Variants in PPM1F observed in about 807,000 individuals in gnomAD.
The protein encoded by PPM1F is protein phosphatase 1F.
Under a neutral mutation model 35.5 loss-of-function variants are expected in PPM1F, and 17 were observed. That is an observed-to-expected ratio of 0.48 (90% CI 0.33 to 0.72). PPM1F has a LOEUF of 0.72. PPM1F is among the 30% of genes least tolerant of loss of function. The pLI is 0.02. For synonymous variants in PPM1F, 241 were observed against 255.5 expected, an observed-to-expected ratio of 0.94 and a Z score of 0.54; for missense variants, 521 against 613.0, an observed-to-expected ratio of 0.85 and a Z score of 1.59.
At chr22:21,932,649 AGAG>A (rs1279107411) in intron 5 of PPM1F, 3 of 152,246 alleles carry the variant, frequency 2.0e-5, no homozygotes, top group Non-Finnish European at 4.4e-5. Context: ...CTAAGTTCAC[AGAG>A]GAGGGGCCTG....
At chr22:21,934,474 T>C (rs964170791) in intron 3 of PPM1F, 4 of 486,442 alleles carry the variant, frequency 8.2e-6, no homozygotes, top group Non-Finnish European at 3.6e-6. Flanking sequence ...GAACCCACCC[T>C]GAAGAAATCA....
At chr22:21,952,683 A>T (rs1040698532) in intron 1 of PPM1F, 109 bp downstream of exon 1, 1 of 144,230 alleles carries the variant, frequency 6.9e-6, no homozygotes, top group Non-Finnish European at 1.5e-5. Flanking sequence ...CTCTGATTCC[A>T]CCCCTCCGGT....
At chr22:21,935,639 T>G (rs1601785187) in intron 3 of PPM1F, 1 of 151,400 alleles carries the variant, frequency 6.6e-6, no homozygotes, top group Non-Finnish European at 1.5e-5. Flanking sequence ...GAGGCTGAGG[T>G]GGGAGGACTG....
chr22:21,949,590 G>A (rs1236591358), intron 1 of PPM1F: 1 of 152,606 alleles, frequency 6.6e-6, no homozygotes, highest in African/African-American at 2.4e-5. Flanking sequence ...GGAGTAGGGA[G>A]AGCTGGGAGA....
chr22:21,931,241 G>A lies in PPM1F; in HGVS notation c.798C>T (p.Thr266=). 6.2e-7 allele frequency: 1 copy of A among 1,613,902 alleles called. No individual in the cohort carries two copies. The highest frequency in any genetic ancestry group is 8.5e-7 in the Non-Finnish European group (1 of 1,180,032). ...TGVCALIAGA[T]LHVAWLGDSQ... The stretch of plus-strand genomic sequence containing the variant: ...AATCCCCGAGCCAGGCGACGTGCAG[G>A]GTCGCTCCTGCAATGAGCGCACACA... The change falls in exon 6 of 8, where the codon ACC becomes ACT. Residue 266 remains threonine, a synonymous_variant. Coordinates refer to ENST00000263212, the MANE Select transcript of PPM1F (RefSeq NM_014634.4).
chr22:21,924,944 C>CTGGAG (rs1202673066), intron 7 of PPM1F: 4 of 152,462 alleles, frequency 2.6e-5, no homozygotes, highest in East Asian at 1.9e-4. Context: ...GTTATCCAGG[C>CTGGAG]TGGAGTGGAG....
At chr22:21,925,508 A>G in intron 7 of PPM1F, 61 bp downstream of exon 7, 1 of 1,481,428 alleles carries the variant, frequency 6.8e-7, no homozygotes, top group Middle Eastern at 1.7e-4. Context: ...CGCGGGCCAC[A>G]CTCGAGGCCT....
intron 6 of PPM1F, among the ~76,000 whole-genome samples, chr22:21,929,581 A>G (rs1236907007): frequency 2.0e-5 from 3 of 152,196 alleles, no homozygotes; most frequent in African/African-American, 7.2e-5. Context: ...AGCAGGTGGG[A>G]GTGGGCCCAG....
chr22:21,931,848 T>C (rs1173378938), intron 5 of PPM1F, among the ~76,000 whole-genome samples: 1 of 151,860 alleles, frequency 6.6e-6, no homozygotes, highest in Admixed American at 6.6e-5. Context: ...AATCTTGCTC[T>C]GTCACCCAGG....
At chr22:21,944,275 G>C (rs918669589) in intron 2 of PPM1F, 1 of 152,300 alleles carries the variant, frequency 6.6e-6, no homozygotes, top group Admixed American at 6.5e-5. Context: ...GCAGCTGTGG[G>C]GGATGCTGGG....
At chr22:21,933,910 C>T (rs1346389179) in intron 4 of PPM1F, 114 bp downstream of exon 4, 7 of 1,028,332 alleles carry the variant, frequency 6.8e-6, no homozygotes, top group Admixed American at 2.7e-5. Flanking sequence ...CAGGGGCTGA[C>T]GGGTGTCTCT....
At chr22:21,938,580 AG>A in intron 3 of PPM1F, 1 of 1,026,164 alleles carries the variant, frequency 9.7e-7, no homozygotes, top group African/African-American at 1.7e-5. Flanking sequence ...TTAGAACAAC[AG>A]GGAAAGGAAA....
intron 1 of PPM1F, chr22:21,951,003 GATTT>G (rs1379620731): frequency 2.6e-5 from 4 of 152,040 alleles, no homozygotes; most frequent in South Asian, 2.1e-4. Flanking sequence ...GTAAATCCTA[GATTT>G]TTTTTCTACA....
chr22:21,925,163 G>A (rs2070497117), intron 7 of PPM1F: 1 of 290,084 alleles, frequency 3.4e-6, no homozygotes, highest in Non-Finnish European at 6.3e-6. Flanking sequence ...CCAAAGTGCT[G>A]GGATTACAGG....
chr22:21,945,669 G>T, intron 2 of PPM1F, 174 bp downstream of exon 2: 1 of 613,964 alleles, frequency 1.6e-6, no homozygotes, highest in Non-Finnish European at 2.8e-6. Context: ...TGAGTGCCCA[G>T]TGTGTGGTGC....
intron 2 of PPM1F, among the ~76,000 whole-genome samples, chr22:21,940,143 G>A (rs1191136962): frequency 6.6e-6 from 1 of 152,152 alleles, no homozygotes; most frequent in East Asian, 1.9e-4. Flanking sequence ...TGCTGGAGCA[G>A]GCTGGGCCCC....
intron 3 of PPM1F, chr22:21,934,429 T>G: frequency 1.8e-6 from 1 of 557,568 alleles, no homozygotes; most frequent in Non-Finnish European, 3.2e-6. Flanking sequence ...CCCCTTGAAG[T>G]CTCCCATCCC....
chr22:21,920,667 G>C lies in PPM1F; in HGVS notation c.*2425C>G, dbSNP rs953694416. The C allele has an allele frequency of 1.3e-5, 2 of 152,322 alleles. No individual in the cohort carries two copies. The highest frequency in any genetic ancestry group is 4.8e-5 in the African/African-American group (2 of 41,460). 9.4% of individuals were successfully genotyped at this position (152,322 alleles called of 1,614,324 possible). A position where few individuals can be genotyped will look rare whatever the true frequency, so the allele number is the denominator to read the frequency against. ...CAGGGGTGGGGAGCGGCAGTGCTGG[G>C]ACAAGCCTGGGGAAAGGGTTTCCCA... is the stretch of plus-strand genomic sequence containing the variant. On this transcript the variant is annotated 3_prime_UTR_variant, in exon 8 of 8. Transcript: ENST00000263212.
In PPM1F at chr22:21,922,804, G is replaced by A. The variant is rs1352489873; in HGVS notation, c.*288C>T. The A allele has an allele frequency of 1.3e-5, 5 of 387,942 alleles. No homozygotes were observed. Among genetic ancestry groups the A allele is most frequent in the African/African-American group, 4.1e-5 (2 of 49,000 alleles). The allele number at this position is 387,942 out of a possible 1,614,324, so 24.0% of individuals were successfully genotyped here. A position where few individuals can be genotyped will look rare whatever the true frequency, so the allele number is the denominator to read the frequency against. The stretch of plus-strand genomic sequence containing the variant: ...GGTTTGGCTGCCGTTGGGCACCTAT[G>A]ACCTCTGGTCCCACCCCGGGCCTAA... On this transcript the variant is annotated 3_prime_UTR_variant, in exon 8 of 8. Transcript: ENST00000263212.
Sources: allele counts gnomAD v4.1 joint callset (sites outside exome capture counted in the v4.1 genomes callset), GRCh38; gene constraint gnomAD v4.1.1; transcripts MANE v1.5; gene names NCBI Gene and HGNC (gene_info 2026-07-23, HGNC 2026-07-21).